Variants in VEPH1 observed in about 807,000 individuals in gnomAD.
VEPH1 encodes ventricular zone expressed PH domain containing 1.
In VEPH1, 80 loss-of-function variants were observed where a neutral mutation model predicts 85.2. The observed-to-expected ratio is 0.94, with a 90% CI of 0.78 to 1.13. VEPH1 has a LOEUF of 1.13. VEPH1 is among the 50% of genes most tolerant of loss of function. VEPH1 has a pLI of 0.00. For synonymous variants in VEPH1, 297 were observed against 348.0 expected (o/e 0.85, Z 1.63); for missense variants, 955 against 980.5 (o/e 0.97, Z 0.35).
At chr3:157,398,671 T>C (rs1318222718) in intron 6 of VEPH1, among the ~76,000 whole-genome samples, 2 of 150,768 alleles carry the variant, frequency 1.3e-5, no homozygotes, top group Non-Finnish European at 2.9e-5. Context: ...CAGAAGATGA[T>C]AGAGCCTTGC....
intron 1 of VEPH1, among the ~76,000 whole-genome samples, chr3:157,501,026 C>T (rs534073434): frequency 2.0e-5 from 3 of 152,316 alleles, no homozygotes; most frequent in Admixed American, 1.3e-4. Flanking sequence ...CAATCATATC[C>T]TTAAGAGTAC....
At chr3:157,448,639 G>T (rs1324497614) in intron 4 of VEPH1, among the ~76,000 whole-genome samples, 5 of 152,134 alleles carry the variant, frequency 3.3e-5, no homozygotes, top group African/African-American at 1.2e-4. Flanking sequence ...GTACTGAAAA[G>T]GCATTACAGA....
chr3:157,387,704 G>A (rs889124517), intron 6 of VEPH1, among the ~76,000 whole-genome samples: 10 of 152,204 alleles, frequency 6.6e-5, no homozygotes, highest in African/African-American at 2.4e-5. Context: ...CTCCTTGTGA[G>A]TGGTTCTCAG....
chr3:157,385,042 CT>C (rs1208904613), intron 6 of VEPH1, among the ~76,000 whole-genome samples: 1 of 152,140 alleles, frequency 6.6e-6, no homozygotes, highest in African/African-American at 2.4e-5. Context: ...ATTCTATACT[CT>C]TTTCAGGTAT....
intron 5 of VEPH1, among the ~76,000 whole-genome samples, chr3:157,425,566 C>A (rs1201812566): frequency 1.3e-5 from 2 of 152,286 alleles, no homozygotes; most frequent in Admixed American, 6.5e-5. Flanking sequence ...TTGCGTGGGA[C>A]CTGTAGCCCC....
At chr3:157,372,812 G>C (rs1727664440) in intron 7 of VEPH1, among the ~76,000 whole-genome samples, 1 of 151,978 alleles carries the variant, frequency 6.6e-6, no homozygotes, top group Non-Finnish European at 1.5e-5. Context: ...GACATACAAC[G>C]TCCACTGATC....
At chr3:157,397,062 C>T (rs1238391075) in intron 6 of VEPH1, among the ~76,000 whole-genome samples, 1 of 152,042 alleles carries the variant, frequency 6.6e-6, no homozygotes, top group Non-Finnish European at 1.5e-5. Flanking sequence ...GGGTTTTGAT[C>T]ATTTTGGGTT....
chr3:157,427,282 C>T (rs552409155), intron 5 of VEPH1, among the ~76,000 whole-genome samples: 235 of 152,120 alleles, frequency 1.5e-3, no homozygotes, highest in African/African-American at 5.3e-3. Context: ...CCACACCCAG[C>T]CTAATTTTTG....
chr3:157,368,318 C>A (rs976732618), intron 7 of VEPH1, among the ~76,000 whole-genome samples: 4 of 152,066 alleles, frequency 2.6e-5, no homozygotes, highest in African/African-American at 9.7e-5. Context: ...CTGGAAGCAG[C>A]CTTCCTTCAT....
In VEPH1 at chr3:157,439,279, ATTAG is replaced by A. The variant is rs1033652451; in HGVS notation, c.530-10795_530-10792del. On this transcript the variant is annotated intron_variant, in intron 4 of 13. Coordinates refer to ENST00000362010, the MANE Select transcript of VEPH1 (RefSeq NM_001167912.2). ...CTATTTTTTATCTTCATCTTTGCAT[ATTAG>A]TTAGAGCAGAAGAGGGATGCATTTC... Among the ~76,000 whole-genome samples the A allele has an allele frequency of 1.5e-3, 222 of 152,330 alleles. 1 individual carries two copies. Among genetic ancestry groups the A allele is most frequent in the African/African-American group, 5.1e-3 (213 of 41,566 alleles).
chr3:157,378,873 C>T lies in VEPH1; in HGVS notation c.1127+2283G>A, dbSNP rs560436533. On this transcript the variant is annotated intron_variant, in intron 7 of 13. Coordinates refer to ENST00000362010, the MANE Select transcript of VEPH1 (RefSeq NM_001167912.2). ...CCACCCCCCTCTTCTTCTTACTCCA[C>T]CTCCAATAGGTGATCACTTCCTCAT... Among the ~76,000 whole-genome samples the T allele has an allele frequency of 1.2e-4, 18 of 152,266 alleles. No homozygotes were observed. The South Asian group carries it at 2.1e-3, about 18-fold the overall frequency.
At chr3:157,287,021 A>G (rs914771686) in intron 11 of VEPH1, among the ~76,000 whole-genome samples, 3 of 152,186 alleles carry the variant, frequency 2.0e-5, no homozygotes, top group African/African-American at 7.2e-5. Flanking sequence ...TGTGGTTGGA[A>G]GACATGCTGC....
intron 11 of VEPH1, among the ~76,000 whole-genome samples, chr3:157,307,950 T>A (rs1020569826): frequency 6.6e-6 from 1 of 151,744 alleles, no homozygotes; most frequent in Non-Finnish European, 1.5e-5. Context: ...TCCTTTATAG[T>A]CTTTACTGCT....
chr3:157,449,888 T>C (rs980112120), intron 4 of VEPH1, among the ~76,000 whole-genome samples: 1 of 151,768 alleles, frequency 6.6e-6, no homozygotes, highest in Non-Finnish European at 1.5e-5. Flanking sequence ...CCTGTGGGTA[T>C]TGTATATTTT....
intron 13 of VEPH1, 76 bp downstream of exon 13, chr3:157,265,450 C>T: frequency 6.7e-7 from 1 of 1,496,998 alleles, no homozygotes; most frequent in Non-Finnish European, 9.0e-7. Context: ...AGTTTAAACC[C>T]AAGACAAAAC....
chr3:157,416,854 GAGAA>G (rs1050763220), intron 5 of VEPH1, among the ~76,000 whole-genome samples: 4 of 148,904 alleles, frequency 2.7e-5, no homozygotes, highest in Non-Finnish European at 4.4e-5. Flanking sequence ...AAAAGAAAGA[GAGAA>G]AGAGAAAGAA....
intron 2 of VEPH1, among the ~76,000 whole-genome samples, chr3:157,480,098 CTT>C (rs398071981): frequency 8.2e-6 from 1 of 122,228 alleles, no homozygotes. Flanking sequence ...CTCTCTCTCT[CTT>C]TCTTTCTAAT....
chr3:157,272,280 CCTTCCTTCCTTCCTTCCCTTCCT>C (rs1387723437), intron 12 of VEPH1, among the ~76,000 whole-genome samples: 6 of 146,766 alleles, frequency 4.1e-5, no homozygotes, highest in African/African-American at 1.5e-4. Flanking sequence ...TTCCTTCCTT[CCTTCCTTCCTTCCTTCCCTTCCT>C]CTCTCTCTCT....
At chr3:157,418,106 A>G (rs908031318) in intron 5 of VEPH1, among the ~76,000 whole-genome samples, 1 of 152,196 alleles carries the variant, frequency 6.6e-6, no homozygotes, top group African/African-American at 2.4e-5. Flanking sequence ...CTCTGGAAGC[A>G]GGTTTGAGAT....
Sources: allele counts gnomAD v4.1 joint callset (sites outside exome capture counted in the v4.1 genomes callset), GRCh38; gene constraint gnomAD v4.1.1; transcripts MANE v1.5; gene names NCBI Gene and HGNC (gene_info 2026-07-23, HGNC 2026-07-21).